The following BABAM2 variants were observed in gnomAD, a reference collection of about 807,000 sequenced individuals.
BABAM2 encodes BRISC and BRCA1 A complex member 2, also known as BRISC and BRCA1-A complex member 2.
Under a neutral mutation model 54.7 loss-of-function variants are expected in BABAM2, and 31 were observed. The observed-to-expected ratio is 0.57, with a 90% CI of 0.43 to 0.77. The LOEUF (loss-of-function observed/expected upper bound fraction) is 0.77, where lower values mean the gene tolerates loss of function less well. BABAM2 is among the 30% of genes least tolerant of loss of function. The probability of loss-of-function intolerance (pLI) is 0.00; values close to 1 mark genes in which losing one functional copy is unlikely to be tolerated. For synonymous variants in BABAM2, 167 were observed against 162.9 expected (o/e 1.03, Z -0.19); for missense variants, 364 against 455.8 (o/e 0.80, Z 1.83).
chr2:28,045,125 A>G (rs1202024106), intron 5 of BABAM2, among the ~76,000 whole-genome samples: 1 of 152,252 alleles, frequency 6.6e-6, no homozygotes, highest in East Asian at 1.9e-4. Flanking sequence ...AATGTTTTAA[A>G]TCGCCAAACC....
chr2:28,302,660 A>C (rs1688201293), intron 11 of BABAM2, among the ~76,000 whole-genome samples: 1 of 152,152 alleles, frequency 6.6e-6, no homozygotes, highest in African/African-American at 2.4e-5. Flanking sequence ...AGAAGGTGAC[A>C]AGCTTTTTTA....
chr2:27,890,050 CG>C (rs1297073967), upstream of BABAM2: 2 of 538,594 alleles, frequency 3.7e-6, no homozygotes, highest in Non-Finnish European at 6.6e-6. The surrounding 1 kb of genome is among the most constrained non-coding windows in gnomAD (Gnocchi z 4.8). Context: ...TGGCCTATTA[CG>C]TCCCCTCCCC....
rs181301945 is a variant in BABAM2 at position 28,203,042 on chromosome 2, C to G, written c.681-34160C>G. Among the ~76,000 whole-genome samples, 13 of 152,176 alleles carry G rather than the reference C, an allele frequency of 8.5e-5. No homozygotes were observed. In the East Asian group the frequency reaches 2.1e-3, roughly 25 times the overall value. On this transcript the variant is annotated intron_variant, in intron 7 of 11. Coordinates refer to ENST00000379624, the MANE Select transcript of BABAM2 (RefSeq NM_199191.3). The stretch of plus-strand genomic sequence containing the variant: ...TCTTGTGTGTAGGGTAAGAATGTGC[C>G]AAAATTAAGACGTACTGGAATTAAG...
chr2:28,316,445 TC>T (rs1689570118), intron 11 of BABAM2, among the ~76,000 whole-genome samples: 1 of 96,924 alleles, frequency 1.0e-5, no homozygotes, highest in Non-Finnish European at 2.1e-5. Flanking sequence ...GGGGTGGGAG[TC>T]GGGGGTGAAG....
At chr2:27,966,270 A>G (rs1260132457) in intron 3 of BABAM2, among the ~76,000 whole-genome samples, 1 of 152,228 alleles carries the variant, frequency 6.6e-6, no homozygotes, top group Non-Finnish European at 1.5e-5. Flanking sequence ...CTGATCAACT[A>G]TTTGGTAATC....
intron 6 of BABAM2, among the ~76,000 whole-genome samples, chr2:28,104,572 C>T (rs1342956721): frequency 1.3e-5 from 2 of 152,152 alleles, no homozygotes. Context: ...GAAATAGGAA[C>T]ACTTTTACAC....
intron 3 of BABAM2, among the ~76,000 whole-genome samples, chr2:27,944,607 T>C (rs1669162556): frequency 6.6e-6 from 1 of 152,212 alleles, no homozygotes; most frequent in South Asian, 2.1e-4. Flanking sequence ...TGTACCACAG[T>C]TTTTTATTTA....
chr2:27,963,034 C>A (rs1670581244), intron 3 of BABAM2, among the ~76,000 whole-genome samples: 1 of 152,196 alleles, frequency 6.6e-6, no homozygotes, highest in Non-Finnish European at 1.5e-5. Context: ...AACTAATTAA[C>A]CATACCAAAA....
At chr2:28,282,830 T>C (rs1314898467) in intron 10 of BABAM2, among the ~76,000 whole-genome samples, 1 of 151,478 alleles carries the variant, frequency 6.6e-6, no homozygotes, top group African/African-American at 2.4e-5. Context: ...AAACCCCATC[T>C]CTACTAAAAA....
At chr2:28,020,952 G>GACACAC (rs57086132) in intron 4 of BABAM2, among the ~76,000 whole-genome samples, 16,818 of 144,388 alleles carry the variant, frequency 0.12, 1,479 homozygotes, top group East Asian at 0.4. Flanking sequence ...CTGTCTCTCT[G>GACACAC]ACACACACAC....
chr2:28,300,998 C>T (rs557343110), intron 11 of BABAM2, among the ~76,000 whole-genome samples: 30 of 152,286 alleles, frequency 2.0e-4, no homozygotes, highest in African/African-American at 7.0e-4. Flanking sequence ...GCCAGATAAA[C>T]ACCGTGAAAG....
intron 4 of BABAM2, among the ~76,000 whole-genome samples, chr2:27,994,397 A>G (rs1672987814): frequency 6.6e-6 from 1 of 152,206 alleles, no homozygotes; most frequent in African/African-American, 2.4e-5. Flanking sequence ...AAAGGTAAAC[A>G]CACCTGTGTA....
intron 6 of BABAM2, among the ~76,000 whole-genome samples, chr2:28,089,773 A>C (rs1174876305): frequency 1.2e-4 from 18 of 152,214 alleles, no homozygotes. Flanking sequence ...CTGATTTTGT[A>C]TTCAGTGCAG....
chr2:28,054,129 T>A (rs1469338991), intron 6 of BABAM2, among the ~76,000 whole-genome samples: 1 of 152,066 alleles, frequency 6.6e-6, no homozygotes, highest in African/African-American at 2.4e-5. Flanking sequence ...AGTTTGTGGA[T>A]CCCTTTTCTA....
chr2:28,167,706 A>T (rs1460056993), intron 7 of BABAM2, among the ~76,000 whole-genome samples: 7 of 65,452 alleles, frequency 1.1e-4, no homozygotes, highest in Non-Finnish European at 1.9e-4. Flanking sequence ...AAAAATAAAT[A>T]AATAAATAAA....
intron 7 of BABAM2, among the ~76,000 whole-genome samples, chr2:28,151,495 C>T (rs1672029514): frequency 6.6e-6 from 1 of 151,978 alleles, no homozygotes; most frequent in Non-Finnish European, 1.5e-5. Context: ...CGCTTGAAAC[C>T]CACCAGGAGG....
intron 6 of BABAM2, among the ~76,000 whole-genome samples, chr2:28,105,930 C>A (rs1308062818): frequency 1.3e-5 from 2 of 150,152 alleles, no homozygotes; most frequent in East Asian, 1.9e-4. Context: ...TTTAAAATTC[C>A]AGCTCCTGTC....
At chr2:27,954,687 G>A (rs1054334858) in intron 3 of BABAM2, among the ~76,000 whole-genome samples, 1 of 152,282 alleles carries the variant, frequency 6.6e-6, no homozygotes, top group East Asian at 1.9e-4. Flanking sequence ...GGCATAAGCC[G>A]ACCAAATATC....
intron 1 of BABAM2, among the ~76,000 whole-genome samples, chr2:27,891,314 A>C (rs1320193579): frequency 6.6e-6 from 1 of 152,166 alleles, no homozygotes; most frequent in Non-Finnish European, 1.5e-5. Context: ...TGACGTCAGC[A>C]GGGCACATGT....
Sources: allele counts gnomAD v4.1 joint callset (sites outside exome capture counted in the v4.1 genomes callset), GRCh38; gene constraint gnomAD v4.1.1; non-coding constraint Gnocchi (gnomAD v3.1); transcripts MANE v1.5; gene names NCBI Gene and HGNC (gene_info 2026-07-23, HGNC 2026-07-21).